ZEB2: variants seen among roughly 807,000 people sequenced by gnomAD.
The protein encoded by ZEB2 is zinc finger E-box binding homeobox 2.
ZEB2 carries 6 observed loss-of-function variants against 99.9 expected under a neutral mutation model. The ratio of observed to expected loss-of-function variants is 0.06; its 90% confidence interval spans 0.03 to 0.12. The LOEUF (loss-of-function observed/expected upper bound fraction) is 0.12. ZEB2 is among the 10% of genes least tolerant of loss of function. ZEB2 has a pLI of 1.00. For synonymous variants in ZEB2, 517 were observed against 542.5 expected, an observed-to-expected ratio of 0.95 and a Z score of 0.65; for missense variants, 969 against 1,502.8, an observed-to-expected ratio of 0.64 and a Z score of 5.87.
At chr2:144,508,185 C>G (rs1210638575) in intron 2 of ZEB2, among the ~76,000 whole-genome samples, 1 of 152,286 alleles carries the variant, frequency 6.6e-6, no homozygotes, top group South Asian at 2.1e-4. Context: ...CTGGCGCTGC[C>G]CGGGCCCCCG....
chr2:144,484,184 T>TG (rs1361308154), intron 2 of ZEB2, among the ~76,000 whole-genome samples: 29 of 139,778 alleles, frequency 2.1e-4, no homozygotes, highest in South Asian at 6.7e-4. Flanking sequence ...GAAATCTGGA[T>TG]TTGTGTGTGT....
intron 2 of ZEB2, among the ~76,000 whole-genome samples, chr2:144,447,740 A>C (rs925567356): frequency 1.3e-5 from 2 of 152,196 alleles, no homozygotes; most frequent in Non-Finnish European, 2.9e-5. Context: ...TGACGGGCCC[A>C]TCTAGCCGCT....
At chr2:144,491,787 C>T (rs901601193) in intron 2 of ZEB2, among the ~76,000 whole-genome samples, 2 of 152,198 alleles carry the variant, frequency 1.3e-5, no homozygotes, top group Non-Finnish European at 2.9e-5. Context: ...TTTAAATTCA[C>T]AATTCAGTGC....
rs1703107493 is a variant in ZEB2 at position 144,388,000 on chromosome 2, C to A, written c.*1451G>T. 1 of 152,586 alleles carries A rather than the reference C, an allele frequency of 6.6e-6. No homozygotes were observed. The highest frequency in any genetic ancestry group is 2.4e-5 in the African/African-American group (1 of 41,452). The allele number at this position is 152,586 out of a possible 1,614,324, so 9.5% of individuals were successfully genotyped here. On this transcript the variant is annotated 3_prime_UTR_variant, in exon 10 of 10. Transcript: ENST00000627532. ...AGGAAAACTCTCTAAAAGTACAGAACTCATTAACTACATTCTTAGTTTGGC... is the reference window on the plus strand; with the variant it reads ...AGGAAAACTCTCTAAAAGTACAGAAATCATTAACTACATTCTTAGTTTGGC...
intron 2 of ZEB2, among the ~76,000 whole-genome samples, chr2:144,434,485 T>C (rs556164567): frequency 6.8e-4 from 104 of 152,212 alleles, no homozygotes; most frequent in South Asian, 1.7e-3. Flanking sequence ...GTACAGCTAG[T>C]TGGTAGCAAA....
intron 4 of ZEB2, among the ~76,000 whole-genome samples, chr2:144,415,795 A>T (rs1262665861): frequency 1.3e-5 from 2 of 152,256 alleles, no homozygotes; most frequent in Non-Finnish European, 2.9e-5. Flanking sequence ...AGAAGAGCAG[A>T]CCTAACCTCT....
intron 4 of ZEB2, among the ~76,000 whole-genome samples, chr2:144,418,302 T>C (rs1361888557): frequency 1.3e-5 from 2 of 152,232 alleles, no homozygotes; most frequent in African/African-American, 2.4e-5. Context: ...TTTGTTAAAA[T>C]TGTATTTTTG....
At chr2:144,441,316 C>T (rs2149896080) in intron 2 of ZEB2, among the ~76,000 whole-genome samples, 1 of 152,212 alleles carries the variant, frequency 6.6e-6, no homozygotes, top group Non-Finnish European at 1.5e-5. Flanking sequence ...ACCCTGGCCG[C>T]TTGGCGGCCT....
At chr2:144,490,765 G>A (rs759490342) in intron 2 of ZEB2, among the ~76,000 whole-genome samples, 8 of 152,114 alleles carry the variant, frequency 5.3e-5, no homozygotes, top group Non-Finnish European at 2.9e-5. Flanking sequence ...TCCACTTTTC[G>A]CACTCATTTT....
intron 2 of ZEB2, among the ~76,000 whole-genome samples, chr2:144,470,156 T>C (rs1213364504): frequency 6.6e-6 from 1 of 152,208 alleles, no homozygotes; most frequent in Non-Finnish European, 1.5e-5. Flanking sequence ...ATATTATCTC[T>C]GAAAGATGCT....
chr2:144,441,995 G>A (rs1262192356), intron 2 of ZEB2, among the ~76,000 whole-genome samples: 1 of 152,074 alleles, frequency 6.6e-6, no homozygotes, highest in African/African-American at 2.4e-5. Flanking sequence ...CAGAAGCCCT[G>A]GGCAGAAAGA....
chr2:144,443,108 T>C (rs1703937670), intron 2 of ZEB2, among the ~76,000 whole-genome samples: 1 of 152,050 alleles, frequency 6.6e-6, no homozygotes, highest in African/African-American at 2.4e-5. Context: ...CTAATGACAA[T>C]AGGGAAATAA....
chr2:144,424,244 C>G, intron 4 of ZEB2: 2 of 397,886 alleles, frequency 5.0e-6, no homozygotes, highest in South Asian at 3.9e-5. Context: ...CTTGTCAATT[C>G]TTCTCTAAAA....
chr2:144,430,475 A>G (rs563668020), intron 2 of ZEB2: 1 of 209,702 alleles, frequency 4.8e-6, no homozygotes, highest in African/African-American at 2.4e-5. Flanking sequence ...TTTTCCCTAG[A>G]AACAGTAGAC....
At chr2:144,495,034 A>T (rs1354092294) in intron 2 of ZEB2, 1 of 152,228 alleles carries the variant, frequency 6.6e-6, no homozygotes, top group East Asian at 1.9e-4. Flanking sequence ...ATGTGTATTT[A>T]TGTTGACCAC....
intron 4 of ZEB2, among the ~76,000 whole-genome samples, chr2:144,413,099 A>G (rs536383241): frequency 3.3e-5 from 5 of 152,184 alleles, no homozygotes; most frequent in Non-Finnish European, 7.3e-5. Flanking sequence ...ATTTCAATTA[A>G]TTAATTACTT....
chr2:144,390,020 G>T lies in ZEB2; in HGVS notation c.3076C>A (p.Pro1026Thr). 1 of 1,600,320 alleles carries T rather than the reference G, an allele frequency of 6.2e-7. No individual in the cohort carries two copies. Among genetic ancestry groups the T allele is most frequent in the Non-Finnish European group, 8.5e-7 (1 of 1,179,934 alleles). The change falls in exon 10 of 10, where the codon CCA (proline) becomes ACA (threonine). Residue 1026 changes from proline (P) to threonine (T), a missense_variant. This residue lies in a region of ZEB2 where 17 missense variants were observed against 116.9 expected (regional missense o/e 0.15). Transcript: ENST00000627532. ...RHKYEHTGKR[P>T]HQCQICKKAF... ...TTCTTACAAATCTGACACTGATGTG[G>T]TCTTTTTCCTGGGAGAAAGAACAAG... is the stretch of plus-strand genomic sequence containing the variant.
At position 144,421,611 on chromosome 2, in the gene ZEB2, T is replaced by C. The variant is rs190106309; in HGVS notation, c.403+3185A>G. On this transcript the variant is annotated intron_variant, in intron 4 of 9. Coordinates refer to ENST00000627532, the MANE Select transcript of ZEB2 (RefSeq NM_014795.4). ...GAGTTCTCACCTTTACGAAATTCTCTTTCTTTGCTTCTGAATGTTTAATTT... is the reference window on the plus strand; with the variant it reads ...GAGTTCTCACCTTTACGAAATTCTCCTTCTTTGCTTCTGAATGTTTAATTT... Among the ~76,000 whole-genome samples, 17 of 152,140 alleles carry C rather than the reference T, an allele frequency of 1.1e-4. No homozygotes were observed. The East Asian group carries it at 2.9e-3, about 26-fold the overall frequency.
chr2:144,420,182 T>C, intron 4 of ZEB2, among the ~76,000 whole-genome samples: 1 of 152,208 alleles, frequency 6.6e-6, no homozygotes, highest in Admixed American at 6.5e-5. Flanking sequence ...GAATAGTCCT[T>C]TCCTTAGGGC....
Sources: allele counts gnomAD v4.1 joint callset (sites outside exome capture counted in the v4.1 genomes callset), GRCh38; gene constraint gnomAD v4.1.1; regional missense constraint gnomAD v4.1.1; transcripts MANE v1.5; gene names NCBI Gene and HGNC (gene_info 2026-07-23, HGNC 2026-07-21).